The following ACTR3C variants were observed in gnomAD, a reference collection of about 807,000 sequenced individuals.
ACTR3C encodes actin related protein 3C.
Under a neutral mutation model 26.3 loss-of-function variants are expected in ACTR3C, and 18 were observed. That is an observed-to-expected ratio of 0.68 (90% CI 0.47 to 1.01). The LOEUF (loss-of-function observed/expected upper bound fraction) is 1.01. ACTR3C is among the 50% of genes least tolerant of loss of function. ACTR3C has a pLI of 0.00. For synonymous variants in ACTR3C, 55 were observed against 94.5 expected (o/e 0.58, Z 2.42); for missense variants, 184 against 250.7 (o/e 0.73, Z 1.80).
At chr7:149,964,133 G>A in the ACTR3C span, among the ~76,000 whole-genome samples, 12 of 152,200 alleles carry the variant, frequency 7.9e-5, no homozygotes, top group African/African-American at 2.4e-4. Flanking sequence ...ACACAACAAC[G>A]TGCTGTATAT....
At chr7:150,118,153 A>T in the ACTR3C span, among the ~76,000 whole-genome samples, 1 of 152,180 alleles carries the variant, frequency 6.6e-6, no homozygotes, top group African/African-American at 2.4e-5. Context: ...AAGGCTGAAA[A>T]TTCCAAAAAC....
chr7:150,313,083 T>C (rs552875389), intron 1 of ACTR3C, among the ~76,000 whole-genome samples: 5 of 152,326 alleles, frequency 3.3e-5, no homozygotes, highest in African/African-American at 1.2e-4. Flanking sequence ...ATGCACCCCG[T>C]AACCCCCTCC....
At chr7:150,073,287 ATG>A in the ACTR3C span, among the ~76,000 whole-genome samples, 1 of 152,208 alleles carries the variant, frequency 6.6e-6, no homozygotes. Flanking sequence ...TTTTCAAACT[ATG>A]TACTATTAGA....
chr7:150,042,038 A>G, the ACTR3C span, among the ~76,000 whole-genome samples: 2 of 106,076 alleles, frequency 1.9e-5, no homozygotes, highest in Admixed American at 1.1e-4. Context: ...CTTAGGAGCA[A>G]CGATGGGGGG....
chr7:150,084,820 T>A, the ACTR3C span, among the ~76,000 whole-genome samples: 5 of 151,740 alleles, frequency 3.3e-5, no homozygotes, highest in African/African-American at 1.2e-4. Flanking sequence ...TTAGGGAGAA[T>A]GGGTGTGGGA....
At chr7:150,152,798 T>C in the ACTR3C span, among the ~76,000 whole-genome samples, 1 of 152,176 alleles carries the variant, frequency 6.6e-6, no homozygotes, top group East Asian at 1.9e-4. Context: ...AAGCTATTGA[T>C]TATTGCCACA....
downstream of ACTR3C, chr7:150,247,104 A>T (rs528707290): frequency 6.6e-6 from 1 of 152,194 alleles, no homozygotes; most frequent in Non-Finnish European, 1.5e-5. Context: ...CAACTTTGGC[A>T]TTGCTAATAA....
downstream of ACTR3C, chr7:150,244,374 C>T (rs975175065): frequency 1.3e-5 from 2 of 149,674 alleles, no homozygotes; most frequent in Admixed American, 6.7e-5. Context: ...GAATGTAATA[C>T]CCCATTCATT....
chr7:150,123,140 G>A, the ACTR3C span, among the ~76,000 whole-genome samples: 4,813 of 151,744 alleles, frequency 0.032, 186 homozygotes, highest in African/African-American at 0.087. Context: ...TGTAGATGAC[G>A]GGTTGATGGG....
the ACTR3C span, among the ~76,000 whole-genome samples, chr7:150,195,327 T>C: frequency 6.6e-6 from 1 of 151,976 alleles, no homozygotes; most frequent in South Asian, 2.1e-4. Flanking sequence ...TAATTTTATT[T>C]TCCTTTATTT....
At chr7:149,889,107 A>G in the ACTR3C span, among the ~76,000 whole-genome samples, 25 of 152,286 alleles carry the variant, frequency 1.6e-4, no homozygotes, top group South Asian at 4.8e-3. Flanking sequence ...TGTAAAGCAT[A>G]TATCTGTCAA....
chr7:150,289,449 C>G lies in ACTR3C; in HGVS notation c.297+1G>C. On this transcript the variant is annotated splice_donor_variant, in intron 4 of 7. Coordinates refer to ENST00000683684, the MANE Select transcript of ACTR3C (RefSeq NM_001164458.2). LOFTEE classifies it high-confidence loss of function. ...CCAGCCGGTTTCCCATCTGTTTTTA[C>G]CTTAATGGCTTTTGCGGTCTCCAGT... 6.3e-7 allele frequency: 1 copy of G among 1,576,730 alleles called. No individual in the cohort carries two copies. The highest frequency in any genetic ancestry group is 8.6e-7 in the Non-Finnish European group (1 of 1,164,564).
the ACTR3C span, among the ~76,000 whole-genome samples, chr7:150,083,915 A>C: frequency 6.6e-6 from 1 of 152,226 alleles, no homozygotes; most frequent in Non-Finnish European, 1.5e-5. Context: ...GCCAGTGTAG[A>C]AAACAGTATG....
At chr7:150,035,009 T>G in the ACTR3C span, among the ~76,000 whole-genome samples, 46 of 132,052 alleles carry the variant, frequency 3.5e-4, 1 homozygote, top group East Asian at 1.7e-3. Context: ...ATGGGGGTCC[T>G]CAGAGCCAGG....
chr7:150,275,925 G>A (rs1305569967), intron 6 of ACTR3C, among the ~76,000 whole-genome samples: 3 of 151,944 alleles, frequency 2.0e-5, no homozygotes, highest in East Asian at 1.9e-4. Context: ...CTTCCCACCC[G>A]GGGTCAGCCA....
At chr7:150,015,008 A>G in the ACTR3C span, among the ~76,000 whole-genome samples, 679 of 152,334 alleles carry the variant, frequency 4.5e-3, 4 homozygotes, top group African/African-American at 0.016. Context: ...GAATAACAAA[A>G]CAACCCCTAT....
chr7:150,005,612 G>T, the ACTR3C span, among the ~76,000 whole-genome samples: 3 of 152,066 alleles, frequency 2.0e-5, no homozygotes, highest in Admixed American at 6.5e-5. Context: ...ATGTGGTGAG[G>T]GGGGGAAGAG....
At chr7:150,199,268 T>C in the ACTR3C span, among the ~76,000 whole-genome samples, 1 of 127,400 alleles carries the variant, frequency 7.8e-6, no homozygotes, top group South Asian at 2.5e-4. Flanking sequence ...CTAAGAAAAA[T>C]TCCTCTGCCT....
At chr7:149,955,737 A>G in the ACTR3C span, among the ~76,000 whole-genome samples, 1 of 152,222 alleles carries the variant, frequency 6.6e-6, no homozygotes, top group Non-Finnish European at 1.5e-5. Flanking sequence ...TGAAGCCAAC[A>G]GTAGCCCACA....
Sources: allele counts gnomAD v4.1 joint callset (sites outside exome capture counted in the v4.1 genomes callset), GRCh38; gene constraint gnomAD v4.1.1; transcripts MANE v1.5; gene names NCBI Gene and HGNC (gene_info 2026-07-23, HGNC 2026-07-21).